Variants in CSMD3 observed in about 807,000 individuals in gnomAD.
The protein encoded by CSMD3 is CUB and sushi domain-containing protein 3.
A neutral mutation model predicts 435.2 loss-of-function variants in CSMD3; 177 were observed. The observed-to-expected ratio is 0.41, with a 90% CI of 0.36 to 0.46. The LOEUF (loss-of-function observed/expected upper bound fraction) is 0.46, where lower values mean the gene tolerates loss of function less well. Among genes scored for constraint, CSMD3 ranks in the 20% least tolerant of loss-of-function variants. The pLI is 0.34. For missense variants in CSMD3, 4,265 were observed against 4,504.6 expected, an observed-to-expected ratio of 0.95 and a Z score of 1.52; for synonymous variants, 1,656 against 1,520.5, an observed-to-expected ratio of 1.09 and a Z score of -2.07.
chr8:112,300,763 GAGA>G (rs1820845666), intron 53 of CSMD3, among the ~76,000 whole-genome samples: 1 of 152,064 alleles, frequency 6.6e-6, no homozygotes, highest in Non-Finnish European at 1.5e-5. Context: ...AAATGTGCCT[GAGA>G]AGGAGAAAAA....
chr8:112,685,724 G>C lies in CSMD3; in HGVS notation c.2164C>G (p.Leu722Val). 6.2e-7 allele frequency: 1 copy of C among 1,600,942 alleles called. No individual in the cohort carries two copies. The highest frequency in any genetic ancestry group is 8.6e-7 in the Non-Finnish European group (1 of 1,168,506). The part of the protein sequence containing the change: ...ANIPICIFPC[L>V]SNFTAPMGTV... ...CCCATTGGTGCAGTAAAGTTAGACA[G>C]GCAGGGAACTGGTGAAACAGGAAGA... is the stretch of plus-strand genomic sequence containing the variant. The change falls in exon 15 of 71, where the codon CTG becomes GTG. Residue 722 changes from leucine to valine, a missense_variant. By Grantham distance (32) the Leu-to-Val change is conservative (BLOSUM62 1). Around this residue, in one of 3 missense-constraint regions of CSMD3, gnomAD observed 279 missense variants for 369.0 expected, o/e 0.76. Transcript: ENST00000297405.
chr8:112,489,587 T>C (rs1820481190), intron 31 of CSMD3, among the ~76,000 whole-genome samples: 1 of 152,204 alleles, frequency 6.6e-6, no homozygotes, highest in South Asian at 2.1e-4. Context: ...ATGTTTAAAA[T>C]AAGTTATTTA....
At chr8:112,253,612 C>T (rs2130247206) in intron 63 of CSMD3, among the ~76,000 whole-genome samples, 1 of 151,972 alleles carries the variant, frequency 6.6e-6, no homozygotes, top group South Asian at 2.1e-4. Context: ...TTTGGCTCCC[C>T]TTGGATCTTT....
chr8:112,272,400 C>T (rs1817605658), intron 59 of CSMD3, among the ~76,000 whole-genome samples: 1 of 151,870 alleles, frequency 6.6e-6, no homozygotes, highest in African/African-American at 2.4e-5. Context: ...CCTATAGTAA[C>T]CATAAAATTT....
chr8:113,212,416 T>C (rs1251651241), intron 3 of CSMD3, among the ~76,000 whole-genome samples: 1 of 152,144 alleles, frequency 6.6e-6, no homozygotes, highest in Non-Finnish European at 1.5e-5. Context: ...AAAGTTGTCT[T>C]TGTTATTTCT....
At chr8:113,208,551 CAATAT>C (rs1224681986) in intron 3 of CSMD3, among the ~76,000 whole-genome samples, 5 of 152,028 alleles carry the variant, frequency 3.3e-5, no homozygotes, top group Admixed American at 2.6e-4. Context: ...TTTCTGTCCA[CAATAT>C]AATATCATAT....
At chr8:112,456,395 T>C (rs1460693897) in intron 32 of CSMD3, among the ~76,000 whole-genome samples, 4 of 152,206 alleles carry the variant, frequency 2.6e-5, no homozygotes, top group Non-Finnish European at 1.5e-5. Flanking sequence ...TCAGGTTTCA[T>C]TAATTAACTG....
At chr8:112,728,738 G>A (rs1437022654) in intron 13 of CSMD3, among the ~76,000 whole-genome samples, 1 of 151,996 alleles carries the variant, frequency 6.6e-6, no homozygotes, top group African/African-American at 2.4e-5. Context: ...TTCTCACCAC[G>A]TGCACATTAA....
chr8:113,015,016 C>A (rs1244511549), intron 6 of CSMD3, among the ~76,000 whole-genome samples: 7 of 152,100 alleles, frequency 4.6e-5, no homozygotes. Flanking sequence ...TGATCCTATT[C>A]TTTACTTAAT....
chr8:113,308,384 T>G (rs1241116870), intron 2 of CSMD3, among the ~76,000 whole-genome samples: 1 of 142,904 alleles, frequency 7.0e-6, no homozygotes, highest in African/African-American at 2.6e-5. Flanking sequence ...TTCTCCTGCC[T>G]CAGCCTCCCC....
At chr8:112,790,088 T>C (rs2078648501) in intron 13 of CSMD3, among the ~76,000 whole-genome samples, 1 of 152,058 alleles carries the variant, frequency 6.6e-6, no homozygotes, top group African/African-American at 2.4e-5. Flanking sequence ...TACAGATTGA[T>C]ATATTTATTT....
intron 40 of CSMD3, among the ~76,000 whole-genome samples, chr8:112,350,633 G>GA (rs1052046004): frequency 2.6e-5 from 4 of 151,516 alleles, no homozygotes; most frequent in Non-Finnish European, 2.9e-5. Flanking sequence ...ATGAGGAAGA[G>GA]AAAAAAAAGC....
chr8:112,402,588 CCTT>C (rs1184615019), intron 35 of CSMD3, among the ~76,000 whole-genome samples: 3 of 151,966 alleles, frequency 2.0e-5, no homozygotes, highest in East Asian at 1.9e-4. Flanking sequence ...TTATCTAAGT[CCTT>C]CTATTTTTAC....
In CSMD3 at chr8:112,573,593, C is replaced by T. The variant is rs1195597529; in HGVS notation, c.3950G>A (p.Gly1317Glu). The change falls in exon 24 of 71, where the codon GGA (glycine) becomes GAA (glutamate). Residue 1317 changes from glycine (G) to glutamate (E), a missense_variant. By Grantham distance (98) the Gly-to-Glu change is moderately conservative. This residue lies in a region of CSMD3 where 3,255 missense variants were observed against 3,380.2 expected (regional missense o/e 0.96). Coordinates refer to ENST00000297405, the MANE Select transcript of CSMD3 (RefSeq NM_198123.2). The stretch of plus-strand genomic sequence containing the variant: ...ATTTGAAGTACTACTAAGTGTCAGT[C>T]CGCGCATAGATGCACCAGTAAAAGC... ...LGAFTGASMR[G>E]LTLSSTSNQL... The T allele has an allele frequency of 9.3e-6, 15 of 1,613,138 alleles. No homozygotes were observed. Among genetic ancestry groups the T allele is most frequent in the Non-Finnish European group, 1.2e-5 (14 of 1,179,418 alleles).
At chr8:113,383,923 T>A (rs914538380) in intron 1 of CSMD3, among the ~76,000 whole-genome samples, 2 of 152,120 alleles carry the variant, frequency 1.3e-5, no homozygotes, top group African/African-American at 4.8e-5. Context: ...GTGCACCCCC[T>A]ACCAAAACAT....
At chr8:112,254,394 A>T in intron 62 of CSMD3, 68 bp from the exon 63 acceptor site, 1 of 1,053,536 alleles carries the variant, frequency 9.5e-7, no homozygotes, top group South Asian at 1.3e-5. Flanking sequence ...CTCACAGAAA[A>T]CAATTTTAAA....
chr8:113,316,716 A>C (rs1209864587), intron 1 of CSMD3, among the ~76,000 whole-genome samples: 1 of 151,920 alleles, frequency 6.6e-6, no homozygotes, highest in East Asian at 1.9e-4. Context: ...CGCCCAGCTA[A>C]TTTTTGTACT....
chr8:112,404,560 A>C (rs2129976037), intron 35 of CSMD3, among the ~76,000 whole-genome samples: 1 of 152,176 alleles, frequency 6.6e-6, no homozygotes, highest in East Asian at 1.9e-4. Context: ...GTGAATGCAT[A>C]TCAACAGATT....
chr8:113,098,691 T>C (rs1023731068), intron 5 of CSMD3, 65 bp downstream of exon 5: 1 of 1,083,630 alleles, frequency 9.2e-7, no homozygotes, highest in Non-Finnish European at 1.4e-6. Flanking sequence ...CACATTCAGT[T>C]GTTCTTTGTT....
Sources: gnomAD v4.1 joint callset for allele counts (sites outside exome capture counted in the v4.1 genomes callset) on GRCh38, gnomAD v4.1.1 for gene constraint, gnomAD v4.1.1 regional missense constraint, MANE v1.5 for transcripts, NCBI Gene and HGNC (gene_info 2026-07-23, HGNC 2026-07-21) for gene names.